The following FBXO27 variants were observed in gnomAD, a reference collection of about 807,000 sequenced individuals.
The protein encoded by FBXO27 is F-box only protein 27.
In FBXO27, 28 loss-of-function variants were observed where a neutral mutation model predicts 28.3. The observed-to-expected ratio is 0.99, with a 90% CI of 0.73 to 1.36. The LOEUF is 1.36. FBXO27 is among the 40% of genes most tolerant of loss of function. FBXO27 has a pLI of 0.00. For synonymous variants in FBXO27, 175 were observed against 167.3 expected, an observed-to-expected ratio of 1.05 and a Z score of -0.36; for missense variants, 388 against 394.1, an observed-to-expected ratio of 0.98 and a Z score of 0.13.
At chr19:39,018,167 A>G (rs1417874531) in intron 1 of FBXO27, among the ~76,000 whole-genome samples, 2 of 152,138 alleles carry the variant, frequency 1.3e-5, no homozygotes, top group African/African-American at 2.4e-5. Flanking sequence ...TTTTTAGTAG[A>G]GATGGGGTTT....
At chr19:39,030,091 C>T (rs533900653) in intron 4 of FBXO27, among the ~76,000 whole-genome samples, 1 of 152,266 alleles carries the variant, frequency 6.6e-6, no homozygotes, top group African/African-American at 2.4e-5. Context: ...ATCTGCCCAC[C>T]TCGGCCTCCC....
downstream of FBXO27, among the ~76,000 whole-genome samples, chr19:39,022,192 G>C (rs1252726633): frequency 5.7e-5 from 7 of 123,156 alleles, no homozygotes; most frequent in Non-Finnish European, 1.1e-4. Flanking sequence ...GTCTCACTCT[G>C]TCTCCTAGGC....
Position 39,011,966 on chromosome 19 carries a change from C to G in FBXO27, c.252+2421G>C, listed in dbSNP as rs2072797020. ...GCCTCAGCCTCCCGAGTAGCTGGGA[C>G]TACAGGTGCCCGCCACCATGACCAG... On this transcript the variant is annotated intron_variant, in intron 2 of 2. Transcript: ENST00000598394. Among the ~76,000 whole-genome samples, 3 of 148,760 alleles carry G rather than the reference C, an allele frequency of 2.0e-5. 1 individual carries two copies. In the South Asian group the frequency reaches 6.4e-4, roughly 32 times the overall value.
Position 39,025,449 on chromosome 19 carries a change from T to G in FBXO27, c.814A>C (p.Thr272Pro). The G allele has an allele frequency of 1.2e-6, 2 of 1,614,068 alleles. No individual in the cohort carries two copies. Among genetic ancestry groups the G allele is most frequent in the Non-Finnish European group, 1.7e-6 (2 of 1,180,016 alleles). ...ACTCGCACGATCACACTGGAGTTGG[T>G]CACACGGGCTCCATAGTGGCCAGCC... is the stretch of plus-strand genomic sequence containing the variant. ...FWAGHYGARV[T>P]NSSVIVRVRL... is the part of the protein sequence containing the mutation. Residue 272 changes from threonine to proline, a missense_variant, in exon 6 of 6, where the codon ACC becomes CCC. Transcript: ENST00000292853.
At chr19:39,015,252 G>T (rs1318730248) in intron 1 of FBXO27, among the ~76,000 whole-genome samples, 1 of 146,238 alleles carries the variant, frequency 6.8e-6, no homozygotes, top group East Asian at 2.1e-4. Flanking sequence ...CTGGGAGGCA[G>T]AGGTTGCAGT....
At position 39,025,148 on chromosome 19, in the gene FBXO27, A is replaced by G. The variant is rs1287723477; in HGVS notation, c.*263T>C. 2 of 406,236 alleles carry G rather than the reference A, an allele frequency of 4.9e-6. No homozygotes were observed. Among genetic ancestry groups the G allele is most frequent in the East Asian group, 7.9e-5 (2 of 25,370 alleles). 25.2% of individuals were successfully genotyped at this position (406,236 alleles called of 1,614,324 possible). A position where few individuals can be genotyped will look rare whatever the true frequency, so the allele number is the denominator to read the frequency against. ...TCTTCTCCAGGATGGGCATTCCCCC[A>G]TGCTCACTTGTGGGTTTCCCCTCAG... On this transcript the variant is annotated 3_prime_UTR_variant, in exon 6 of 6. Coordinates refer to ENST00000292853, the MANE Select transcript of FBXO27 (RefSeq NM_178820.5).
At chr19:39,014,418 T>C (rs1428556919) in exon 2 of FBXO27, 1 of 151,954 alleles carries the variant, frequency 6.6e-6, no homozygotes, top group Non-Finnish European at 1.5e-5. Context: ...ATTGGTGCAC[T>C]CAAAAACACG....
intron 4 of FBXO27, 160 bp downstream of exon 4, chr19:39,030,869 A>C: frequency 1.4e-6 from 1 of 691,230 alleles, no homozygotes; most frequent in South Asian, 1.7e-5. Context: ...CGACCCCCCA[A>C]AGTGCTGGGA....
At chr19:39,016,158 AC>A in intron 1 of FBXO27, among the ~76,000 whole-genome samples, 1 of 152,268 alleles carries the variant, frequency 6.6e-6, no homozygotes, top group Non-Finnish European at 1.5e-5. Flanking sequence ...AGCACAGAGG[AC>A]TTTTAGGGCA....
chr19:39,019,656 A>G (rs12150941), downstream of FBXO27, among the ~76,000 whole-genome samples: 120,878 of 151,878 alleles, frequency 0.8, 48,445 homozygotes, highest in Middle Eastern at 0.88. Context: ...GGCTTCTACC[A>G]ACCAAAAGGC....
chr19:39,008,719 G>A (rs909629048), intron 2 of FBXO27, among the ~76,000 whole-genome samples: 2 of 151,972 alleles, frequency 1.3e-5, no homozygotes, highest in Non-Finnish European at 2.9e-5. Context: ...TTCCGATTCT[G>A]GGCAATTCAT....
At chr19:39,017,715 GC>G (rs1219094704) in intron 1 of FBXO27, among the ~76,000 whole-genome samples, 3 of 151,162 alleles carry the variant, frequency 2.0e-5, no homozygotes, top group African/African-American at 4.9e-5. Context: ...ATACAAAGGA[GC>G]TTTTCAAATT....
In FBXO27 at chr19:39,025,462, A is replaced by T. The variant is rs1399836340; in HGVS notation, c.801T>A (p.Tyr267Ter). ...GQDTQFWAGHYGARVTNSSVI... is the reference protein window; with the variant it reads ...GQDTQFWAGH ...CACTGGAGTTGGTCACACGGGCTCC[A>T]TAGTGGCCAGCCCAGAACTGTGTGT... The change falls in exon 6 of 6, where the codon TAT (tyrosine) becomes TAA (stop). Residue 267 changes from tyrosine (Y) to a stop codon, truncating the protein, a stop_gained. Transcript: ENST00000292853. LOFTEE classifies it low-confidence loss of function (END_TRUNC). 1 of 1,614,160 alleles carries T rather than the reference A, an allele frequency of 6.2e-7. No homozygotes were observed. Among genetic ancestry groups the T allele is most frequent in the South Asian group, 1.1e-5 (1 of 91,080 alleles).
chr19:39,026,142 G>T (rs2144898676), intron 5 of FBXO27, among the ~76,000 whole-genome samples: 1 of 152,242 alleles, frequency 6.6e-6, no homozygotes, highest in East Asian at 1.9e-4. Context: ...GGCTAGGTCA[G>T]AAAAAGCAAG....
intron 1 of FBXO27, among the ~76,000 whole-genome samples, chr19:39,016,530 T>C (rs1415164540): frequency 7.1e-6 from 1 of 139,970 alleles, no homozygotes; most frequent in African/African-American, 2.7e-5. Flanking sequence ...AGTGGGAAGA[T>C]AACTTGAACT....
At chr19:39,030,787 T>C in intron 4 of FBXO27, 2 of 531,354 alleles carry the variant, frequency 3.8e-6, no homozygotes, top group South Asian at 4.2e-5. Flanking sequence ...TTTGTATTTT[T>C]AGTAGAGACG....
chr19:39,021,361 C>T (rs2072844442), downstream of FBXO27, among the ~76,000 whole-genome samples: 1 of 152,126 alleles, frequency 6.6e-6, no homozygotes, highest in South Asian at 2.1e-4. Context: ...ATCACCTCAT[C>T]CACTTTTGCC....
At chr19:39,023,494 A>C (rs73543539), downstream of FBXO27, among the ~76,000 whole-genome samples, 563 of 152,206 alleles carry the variant, frequency 3.7e-3, 2 homozygotes, top group African/African-American at 0.013. Flanking sequence ...TACAGAAGAG[A>C]GGGAAAAAAG....
In FBXO27 at chr19:39,031,009, A is replaced by C. The variant is rs1568461092; in HGVS notation, c.572+20T>G. On this transcript the variant is annotated intron_variant, in intron 4 of 5. Transcript: ENST00000292853. ...TGCAGTCAGTGCTTAGCAAGGGGCT[A>C]TTTTAATCGTCACACTCACCAGTCA... 6.2e-7 allele frequency: 1 copy of C among 1,607,392 alleles called. No homozygotes were observed.
Sources: allele counts gnomAD v4.1 joint callset (sites outside exome capture counted in the v4.1 genomes callset), GRCh38; gene constraint gnomAD v4.1.1; transcripts MANE v1.5; gene names NCBI Gene and HGNC (gene_info 2026-07-23, HGNC 2026-07-21).